The following TMCO4 variants were observed in gnomAD, a reference collection of about 807,000 sequenced individuals.
The protein encoded by TMCO4 is transmembrane and coiled-coil domains 4.
In TMCO4, 58 loss-of-function variants were observed where a neutral mutation model predicts 64.7. That is an observed-to-expected ratio of 0.90 (90% CI 0.73 to 1.12). The LOEUF (loss-of-function observed/expected upper bound fraction) is 1.12, where lower values mean the gene tolerates loss of function less well. TMCO4 is among the 50% of genes most tolerant of loss of function. TMCO4 has a pLI of 0.00. For synonymous variants in TMCO4, 325 were observed against 346.1 expected (o/e 0.94, Z 0.68); for missense variants, 780 against 825.9 (o/e 0.94, Z 0.68).
intron 3 of TMCO4, 87 bp downstream of exon 3, chr1:19,786,939 G>A (rs1400022909): frequency 6.6e-6 from 1 of 152,160 alleles, no homozygotes; most frequent in Admixed American, 6.5e-5. Context: ...ATTCTAGAGA[G>A]GGAGACAGAA....
intron 4 of TMCO4, among the ~76,000 whole-genome samples, chr1:19,772,118 G>A (rs1433908740): frequency 6.6e-6 from 1 of 152,192 alleles, no homozygotes; most frequent in African/African-American, 2.4e-5. Flanking sequence ...ATCTGAGGAA[G>A]CTCACAGCAG....
chr1:19,747,264 AG>A lies in TMCO4; in HGVS notation c.516-5del. ...CTTTCGGGATGCCTCGGCCATTCTG[AG>A]GGAAAAGAGGCTGGTCTTTAGGGCC... On this transcript the variant is annotated splice_region_variant and splice_polypyrimidine_tract_variant and intron_variant, in intron 7 of 15. Transcript: ENST00000294543. The A allele has an allele frequency of 1.2e-6, 2 of 1,612,506 alleles. No homozygotes were observed.
In TMCO4 at chr1:19,780,489, T is replaced by C. The variant is rs561068838; in HGVS notation, c.179+91A>G. ...GGACAATGACTTGCCCCTCTCTGCATTGCCTCATCGTGCCTGGCAGGCTGT... is the reference window on the plus strand; with the variant it reads ...GGACAATGACTTGCCCCTCTCTGCACTGCCTCATCGTGCCTGGCAGGCTGT... On this transcript the variant is annotated intron_variant, in intron 4 of 15. Coordinates refer to ENST00000294543, the MANE Select transcript of TMCO4 (RefSeq NM_181719.7). 31 of 1,449,862 alleles carry C rather than the reference T, an allele frequency of 2.1e-5. No homozygotes were observed. The South Asian group carries it at 3.4e-4, about 16-fold the overall frequency. The allele number at this position is 1,449,862 out of a possible 1,614,324, so 89.8% of individuals were successfully genotyped here.
chr1:19,691,643 G>GAAGCC (rs1481566479), intron 15 of TMCO4, among the ~76,000 whole-genome samples: 1 of 152,186 alleles, frequency 6.6e-6, no homozygotes, highest in Non-Finnish European at 1.5e-5. Context: ...CCTGAATGGG[G>GAAGCC]AAGCCAGAAT....
chr1:19,682,436 TGA>T lies in TMCO4; in HGVS notation c.*602_*603del, dbSNP rs2095109357. The T allele has an allele frequency of 1.7e-6, 1 of 587,748 alleles. No individual in the cohort carries two copies. The highest frequency in any genetic ancestry group is 2.1e-5 in the South Asian group (1 of 48,336). The allele number at this position is 587,748 out of a possible 1,614,324, so 36.4% of individuals were successfully genotyped here. ...GGAGCACACTCACATTGTGTCTGTG[TGA>T]CTCATGTCCCTGGAGTTATGCAGCG... On this transcript the variant is annotated 3_prime_UTR_variant, in exon 16 of 16. Coordinates refer to ENST00000294543, the MANE Select transcript of TMCO4 (RefSeq NM_181719.7).
intron 6 of TMCO4, among the ~76,000 whole-genome samples, chr1:19,769,596 C>G (rs777536092): frequency 1.6e-4 from 24 of 152,290 alleles, no homozygotes; most frequent in Non-Finnish European, 2.8e-4. Flanking sequence ...TGTTTCCTCC[C>G]TGCTTGCCAT....
intron 4 of TMCO4, among the ~76,000 whole-genome samples, chr1:19,779,788 A>C (rs2043373613): frequency 6.6e-6 from 1 of 152,242 alleles, no homozygotes; most frequent in African/African-American, 2.4e-5. Flanking sequence ...TCATGAATGA[A>C]TAAATATTAA....
chr1:19,791,167 C>A (rs10917539), intron 2 of TMCO4, among the ~76,000 whole-genome samples: 1 of 151,924 alleles, frequency 6.6e-6, no homozygotes, highest in East Asian at 1.9e-4. Context: ...GGGTGGGATG[C>A]GAGGAGAGAG....
At chr1:19,766,135 C>T (rs555915335) in intron 6 of TMCO4, among the ~76,000 whole-genome samples, 2 of 152,336 alleles carry the variant, frequency 1.3e-5, no homozygotes, top group African/African-American at 2.4e-5. Flanking sequence ...AAAGAAGTGT[C>T]GCCCACCCAT....
chr1:19,701,912 A>T (rs1264213095), intron 13 of TMCO4, among the ~76,000 whole-genome samples: 5 of 152,076 alleles, frequency 3.3e-5, no homozygotes, highest in Admixed American at 3.3e-4. Context: ...AGGCATAAGG[A>T]TCGCTTCAGC....
In TMCO4 at chr1:19,739,779, TC is replaced by T. The variant is rs755623318; in HGVS notation, c.1179+44del. 4 of 1,592,784 alleles carry T rather than the reference TC, an allele frequency of 2.5e-6. No homozygotes were observed. In the Admixed American group the frequency reaches 6.9e-5, roughly 27 times the overall value. ...TCTGTGAACAAGTCAGCACCTGACT[TC>T]CCCTCTTGCTCAATGCCACGCCCAC... On this transcript the variant is annotated intron_variant, in intron 12 of 15. Coordinates refer to ENST00000294543, the MANE Select transcript of TMCO4 (RefSeq NM_181719.7).
chr1:19,728,677 C>G (rs1163335615), intron 13 of TMCO4, among the ~76,000 whole-genome samples: 3 of 152,192 alleles, frequency 2.0e-5, no homozygotes, highest in African/African-American at 7.2e-5. Flanking sequence ...GGGTGCCATT[C>G]CTACCTCCGT....
chr1:19,704,559 G>A (rs555224439), intron 13 of TMCO4, among the ~76,000 whole-genome samples: 2 of 152,356 alleles, frequency 1.3e-5, no homozygotes, highest in African/African-American at 4.8e-5. Flanking sequence ...TGCTCCTACA[G>A]TGCCAAATGG....
intron 4 of TMCO4, among the ~76,000 whole-genome samples, chr1:19,777,466 T>A (rs1454769925): frequency 2.6e-5 from 4 of 151,494 alleles, no homozygotes; most frequent in Non-Finnish European, 4.4e-5. Context: ...TTGTGCCTCA[T>A]CCTACCTAGT....
chr1:19,697,128 T>C (rs1356079804), intron 14 of TMCO4, among the ~76,000 whole-genome samples: 1 of 152,200 alleles, frequency 6.6e-6, no homozygotes. Flanking sequence ...GCTGGACGTG[T>C]GTGTGCTGTG....
rs1431092701 is a variant in TMCO4, at chr1:19,734,316, C to T, written c.1264+3056G>A. On this transcript the variant is annotated intron_variant, in intron 13 of 15. Coordinates refer to ENST00000294543, the MANE Select transcript of TMCO4 (RefSeq NM_181719.7). This position sits in a 1 kb window ranked among gnomAD's most constrained non-coding sequence, Gnocchi z 4.4. ...TAGAGAACAGCAGGGGCATTAGAGG[C>T]CCTTGGGGTCTGCCGAGTTGCTGCC... is the stretch of plus-strand genomic sequence containing the variant. Among the ~76,000 whole-genome samples, 1 of 152,096 alleles carries T rather than the reference C, an allele frequency of 6.6e-6. No individual in the cohort carries two copies. The highest frequency in any genetic ancestry group is 1.5e-5 in the Non-Finnish European group (1 of 68,014).
chr1:19,696,256 A>C (rs889226172), intron 14 of TMCO4, among the ~76,000 whole-genome samples: 2 of 152,234 alleles, frequency 1.3e-5, no homozygotes, highest in Non-Finnish European at 2.9e-5. Context: ...GCACTGTCTA[A>C]GAATGGACGG....
intron 13 of TMCO4, among the ~76,000 whole-genome samples, chr1:19,719,796 C>A (rs2095373253): frequency 6.6e-6 from 1 of 152,068 alleles, no homozygotes; most frequent in African/African-American, 2.4e-5. Flanking sequence ...AGTTCAAGAC[C>A]AGCCTGGCTA....
At chr1:19,745,744 G>A in intron 9 of TMCO4, 93 bp from the exon 10 acceptor site, 1 of 1,472,660 alleles carries the variant, frequency 6.8e-7, no homozygotes, top group Non-Finnish European at 9.1e-7. Flanking sequence ...CACACAGTGA[G>A]CACCATCTGT....
Sources: gnomAD v4.1 joint callset for allele counts (sites outside exome capture counted in the v4.1 genomes callset) on GRCh38, gnomAD v4.1.1 for gene constraint, Gnocchi (gnomAD v3.1) non-coding constraint, MANE v1.5 for transcripts, NCBI Gene and HGNC (gene_info 2026-07-23, HGNC 2026-07-21) for gene names.